The following APOH variants were observed in gnomAD, a reference collection of about 807,000 sequenced individuals.
APOH encodes beta-2-glycoprotein 1.
A neutral mutation model predicts 39.8 loss-of-function variants in APOH; 48 were observed. The observed-to-expected ratio is 1.21, with a 90% CI of 0.96 to 1.54. The LOEUF (loss-of-function observed/expected upper bound fraction) is 1.54, where lower values mean the gene tolerates loss of function less well. Among genes scored for constraint, APOH ranks in the 40% most tolerant of loss-of-function variants. The pLI is 0.00. For missense variants in APOH, 415 were observed against 421.2 expected, an observed-to-expected ratio of 0.99 and a Z score of 0.13; for synonymous variants, 153 against 151.1, an observed-to-expected ratio of 1.01 and a Z score of -0.09.
Position 66,227,949 on chromosome 17 carries a change from G to A in APOH, c.241+71C>T, listed in dbSNP as rs987618627. On this transcript the variant is annotated intron_variant, in intron 2 of 7. Coordinates refer to ENST00000205948, the MANE Select transcript of APOH (RefSeq NM_000042.3). The stretch of plus-strand genomic sequence containing the variant: ...GCCCTCTGCACTCTGAGCATGACGA[G>A]GTAGCTTATTCCTCCAAAATACCCA... 6.0e-6 allele frequency: 9 copies of A among 1,510,962 alleles called. No homozygotes were observed. In the Admixed American group the frequency reaches 1.1e-4, roughly 18 times the overall value. 93.6% of individuals were successfully genotyped at this position (1,510,962 alleles called of 1,614,324 possible).
At chr17:66,221,417 A>AAGGGAGGG (rs1567740248) in intron 4 of APOH, among the ~76,000 whole-genome samples, 1 of 19,064 alleles carries the variant, frequency 5.2e-5, no homozygotes, top group Non-Finnish European at 8.2e-5. Context: ...GGAAGGAAGG[A>AAGGGAGGG]AGGAAGGAAG....
At chr17:66,215,522 C>T (rs1463539464) in intron 6 of APOH, among the ~76,000 whole-genome samples, 2 of 152,188 alleles carry the variant, frequency 1.3e-5, no homozygotes, top group Non-Finnish European at 2.9e-5. Flanking sequence ...CAACTGTACT[C>T]GAATCCCCGT....
At chr17:66,227,947 G>A (rs2073449361) in intron 2 of APOH, 73 bp downstream of exon 2, 17 of 1,503,308 alleles carry the variant, frequency 1.1e-5, no homozygotes, top group Non-Finnish European at 1.5e-5. Context: ...TGAGCATGAC[G>A]AGGTAGCTTA....
chr17:66,223,693 C>T lies in APOH; in HGVS notation c.415+5G>A. On this transcript the variant is annotated splice_donor_5th_base_variant and intron_variant, in intron 4 of 7. Coordinates refer to ENST00000205948, the MANE Select transcript of APOH (RefSeq NM_000042.3). ...ACCAGCTGATCACCTTGCCCACAGA[C>T]TTACGAGCACAGACAGGAAGCTCCG... The T allele has an allele frequency of 6.2e-7, 1 of 1,614,072 alleles. No homozygotes were observed. The highest frequency in any genetic ancestry group is 1.6e-4 in the Middle Eastern group (1 of 6,062).
intron 3 of APOH, among the ~76,000 whole-genome samples, chr17:66,225,465 A>G (rs556676866): frequency 6.6e-6 from 1 of 152,314 alleles, no homozygotes; most frequent in South Asian, 2.1e-4. Flanking sequence ...AATTAGCCTA[A>G]TAACTAAAGC....
chr17:66,220,306 A>G (rs1437825834), intron 5 of APOH, among the ~76,000 whole-genome samples: 1 of 152,172 alleles, frequency 6.6e-6, no homozygotes, highest in Non-Finnish European at 1.5e-5. Flanking sequence ...GTCACCACCT[A>G]TGGGAAGCTG....
At chr17:66,222,958 T>A (rs2073411463) in intron 4 of APOH, among the ~76,000 whole-genome samples, 1 of 152,210 alleles carries the variant, frequency 6.6e-6, no homozygotes, top group Non-Finnish European at 1.5e-5. Context: ...TGGTCAAAGA[T>A]GTATAAATCA....
intron 2 of APOH, among the ~76,000 whole-genome samples, chr17:66,227,268 T>G (rs1249245390): frequency 6.6e-6 from 1 of 152,210 alleles, no homozygotes; most frequent in Non-Finnish European, 1.5e-5. Flanking sequence ...CAAAAAAGCA[T>G]AGTAAAATCA....
chr17:66,215,658 G>A (rs1723733205), intron 6 of APOH, among the ~76,000 whole-genome samples: 1 of 152,162 alleles, frequency 6.6e-6, no homozygotes, highest in Admixed American at 6.5e-5. Context: ...GAGTTCTAAT[G>A]CTAGGCTGTT....
intron 3 of APOH, among the ~76,000 whole-genome samples, chr17:66,224,491 AGAAAAG>A (rs2073422920): frequency 1.1e-5 from 1 of 87,608 alleles, no homozygotes; most frequent in African/African-American, 3.5e-5. Flanking sequence ...AAAAAAAAAA[AGAAAAG>A]AAAAGAAGGA....
intron 5 of APOH, among the ~76,000 whole-genome samples, chr17:66,218,760 A>C (rs1842303467): frequency 6.6e-6 from 1 of 152,102 alleles, no homozygotes; most frequent in Admixed American, 6.5e-5. Flanking sequence ...CTGTAATCCC[A>C]GCAGTTTGGG....
intron 4 of APOH, among the ~76,000 whole-genome samples, chr17:66,223,104 C>G (rs532364943): frequency 9.9e-5 from 15 of 152,230 alleles, no homozygotes; most frequent in African/African-American, 3.6e-4. Context: ...GGATGCAAGC[C>G]CCTTTGATGG....
Position 66,212,112 on chromosome 17 carries a change from G to A in APOH, c.*21C>T, listed in dbSNP as rs6933. The A allele has an allele frequency of 0.59, 937,029 of 1,595,720 alleles. 283,535 individuals carry two copies. The highest frequency in any genetic ancestry group is 0.95 in the East Asian group (42,393 of 44,748). ...GAACAAGAAACAAGTGTGACATTTT[G>A]TGTGGAATCTGAAAACCACCTTAGC... On this transcript the variant is annotated 3_prime_UTR_variant, in exon 8 of 8. Transcript: ENST00000205948.
chr17:66,212,137 C>T lies in APOH; in HGVS notation c.1034G>A (p.Cys345Tyr). The T allele has an allele frequency of 1.2e-6, 2 of 1,613,526 alleles. No homozygotes were observed. The highest frequency in any genetic ancestry group is 1.7e-6 in the Non-Finnish European group (2 of 1,179,496). ...WKTDASDVKP[C>Y] ...GTGTGGAATCTGAAAACCACCTTAG[C>T]ATGGCTTTACATCGGATGCATCAGT... Residue 345 changes from cysteine to tyrosine, a missense_variant, in exon 8 of 8, where the codon TGC (cysteine) becomes TAC (tyrosine). Cys to Tyr is a radical substitution (Grantham distance 194, BLOSUM62 -2). Transcript: ENST00000205948.
chr17:66,224,631 AGGAAGAGAAGGGAAG>A (rs1567741546), intron 3 of APOH, among the ~76,000 whole-genome samples: 1 of 120,964 alleles, frequency 8.3e-6, no homozygotes, highest in Middle Eastern at 3.4e-3. Context: ...GAAAGAAGAA[AGGAAGAGAAGGGAAG>A]GGAAGGGAAG....
chr17:66,212,149 T>C lies in APOH; in HGVS notation c.1022A>G (p.Asp341Gly). The change falls in exon 8 of 8, where the codon GAT becomes GGT. Residue 341 changes from aspartate to glycine, a missense_variant. Physicochemically the swap from Asp to Gly is moderately conservative, Grantham distance 94. Around this residue, in one of 3 missense-constraint regions of APOH, gnomAD observed 120 missense variants for 110.6 expected, o/e 1.08. Transcript: ENST00000205948. Reference protein sequence around the residue: ...SLAFWKTDASDVKPC With the variant: ...SLAFWKTDASGVKPC Reference sequence around the variant, plus strand: ...AAAACCACCTTAGCATGGCTTTACATCGGATGCATCAGTTTTCCAAAAAGC... The same window carrying C: ...AAAACCACCTTAGCATGGCTTTACACCGGATGCATCAGTTTTCCAAAAAGC... 1 of 1,613,938 alleles carries C rather than the reference T, an allele frequency of 6.2e-7. No individual in the cohort carries two copies.
At chr17:66,228,228 A>C (rs749535658) in intron 1 of APOH, 32 bp from the exon 2 acceptor site, 8 of 1,593,606 alleles carry the variant, frequency 5.0e-6, no homozygotes, top group Non-Finnish European at 6.8e-6. Context: ...ATGGTTAACA[A>C]ATCTCTATTT....
chr17:66,229,056 T>C (rs754935605), intron 1 of APOH, among the ~76,000 whole-genome samples: 25 of 152,012 alleles, frequency 1.6e-4, no homozygotes, highest in Admixed American at 4.6e-4. Flanking sequence ...TGGGCTCGAA[T>C]TCCTGACCTC....
chr17:66,217,102 C>A, intron 5 of APOH, 135 bp from the exon 6 acceptor site: 1 of 663,458 alleles, frequency 1.5e-6, no homozygotes, highest in South Asian at 3.4e-5. Flanking sequence ...TTTATAGTTA[C>A]CTTGTGCTTA....
Sources: allele counts gnomAD v4.1 joint callset (sites outside exome capture counted in the v4.1 genomes callset), GRCh38; gene constraint gnomAD v4.1.1; regional missense constraint gnomAD v4.1.1; transcripts MANE v1.5; gene names NCBI Gene and HGNC (gene_info 2026-07-23, HGNC 2026-07-21).